AAMDC: variants seen among roughly 807,000 people sequenced by gnomAD.
The protein encoded by AAMDC is adipogenesis associated Mth938 domain containing.
A neutral mutation model predicts 15.5 loss-of-function variants in AAMDC; 16 were observed. The ratio of observed to expected loss-of-function variants is 1.03; its 90% CI spans 0.70 to 1.57. AAMDC has a LOEUF of 1.57. Ranked by LOEUF, AAMDC falls within the 40% of genes most tolerant of loss-of-function variation. AAMDC has a pLI of 0.00. For synonymous variants in AAMDC, 51 were observed against 51.6 expected (o/e 0.99, Z 0.05); for missense variants, 141 against 144.9 (o/e 0.97, Z 0.14).
chr11:77,835,460 G>T (rs1243668733), intron 1 of AAMDC, among the ~76,000 whole-genome samples: 2 of 128,636 alleles, frequency 1.6e-5, no homozygotes, highest in African/African-American at 6.4e-5. Context: ...ATGCTTTGGG[G>T]TATGTTTAAC....
downstream of AAMDC, chr11:77,901,418 T>C (rs763070416): frequency 1.2e-6 from 2 of 1,613,916 alleles, no homozygotes; most frequent in South Asian, 2.2e-5. Flanking sequence ...CCCCACATCT[T>C]ACCCTCGTGT....
At chr11:77,853,993 CT>C (rs571437470) in intron 2 of AAMDC, among the ~76,000 whole-genome samples, 29,819 of 138,172 alleles carry the variant, frequency 0.22, 3,149 homozygotes, top group Middle Eastern at 0.25. Flanking sequence ...CCTCCAAATT[CT>C]TTTTTTTTTT....
At chr11:77,894,722 C>T (rs1019511687) in intron 5 of AAMDC, among the ~76,000 whole-genome samples, 13 of 152,274 alleles carry the variant, frequency 8.5e-5, no homozygotes, top group Admixed American at 8.5e-4. Flanking sequence ...GGTCTCTATA[C>T]CTACCTGATT....
At chr11:77,868,180 C>T (rs566595453) in intron 2 of AAMDC, among the ~76,000 whole-genome samples, 10 of 151,322 alleles carry the variant, frequency 6.6e-5, no homozygotes, top group Non-Finnish European at 1.0e-4. Flanking sequence ...CTCAGCCTCC[C>T]GAGTAGCTGG....
intron 2 of AAMDC, among the ~76,000 whole-genome samples, chr11:77,844,555 TCTCACTACATTGCCCAGGCTGGTCTTGAA>T (rs2136150139): frequency 6.6e-6 from 1 of 151,878 alleles, no homozygotes; most frequent in South Asian, 2.1e-4. Flanking sequence ...AGAGATGAGG[TCTCACTACATTGCCCAGGCTGGTCTTGAA>T]CTCCTGACCC....
chr11:77,823,043 T>A (rs1186787830), intron 1 of AAMDC, among the ~76,000 whole-genome samples: 1 of 151,676 alleles, frequency 6.6e-6, no homozygotes, highest in Non-Finnish European at 1.5e-5. Context: ...GTGAAACCCG[T>A]CTCTACTAAA....
In AAMDC at chr11:77,869,770, G is replaced by C. The variant is rs769851697; in HGVS notation, c.181G>C (p.Gly61Arg). ...PADVKEVVEK[G>R]VQTLVIGRGM... ...AGATGTGAAGGAAGTTGTTGAGAAG[G>C]GTGTACAGACTCTTGTGATTGGCCG... Residue 61 changes from glycine (G) to arginine (R), a missense_variant, in exon 3 of 4, where the codon GGT (glycine) becomes CGT (arginine). Physicochemically the swap from Gly to Arg is moderately radical, Grantham distance 125 (BLOSUM62 -2). Transcript: ENST00000393427. 4 of 1,614,008 alleles carry C rather than the reference G, an allele frequency of 2.5e-6. No individual in the cohort carries two copies. The highest frequency in any genetic ancestry group is 4.5e-5 in the East Asian group (2 of 44,876).
downstream of AAMDC, among the ~76,000 whole-genome samples, chr11:77,876,274 C>CAG (rs1316191733): frequency 2.6e-5 from 4 of 152,106 alleles, no homozygotes; most frequent in Non-Finnish European, 5.9e-5. Context: ...GGGAAGAAAC[C>CAG]AGAGGCCTGG....
At chr11:77,865,868 T>TCGGC (rs1951086841) in intron 2 of AAMDC, among the ~76,000 whole-genome samples, 1 of 152,254 alleles carries the variant, frequency 6.6e-6, no homozygotes. Flanking sequence ...AAGGGGACCA[T>TCGGC]CGGCCTCAAT....
intron 2 of AAMDC, among the ~76,000 whole-genome samples, chr11:77,852,385 T>C (rs1480271401): frequency 2.0e-5 from 3 of 152,192 alleles, no homozygotes; most frequent in African/African-American, 7.2e-5. Flanking sequence ...ATTTCCTGTC[T>C]GTCTTGATTT....
intron 2 of AAMDC, chr11:77,868,695 GTTGTTT>G (rs1208229241): frequency 4.4e-4 from 85 of 192,746 alleles, no homozygotes; most frequent in African/African-American, 1.9e-3. Flanking sequence ...TGTTGTTGTT[GTTGTTT>G]TTTAACACAA....
At chr11:77,842,384 A>T in intron 1 of AAMDC, 95 bp from the exon 2 acceptor site, 1 of 1,190,642 alleles carries the variant, frequency 8.4e-7, no homozygotes, top group Non-Finnish European at 1.2e-6. Flanking sequence ...GATGCTTCTT[A>T]AATCATGGAG....
In AAMDC at chr11:77,847,068, A is replaced by AT. The variant is rs531264449; in HGVS notation, c.132+4445dup. Among the ~76,000 whole-genome samples, 535 of 152,154 alleles carry AT rather than the reference A, an allele frequency of 3.5e-3. 2 individuals carry two copies. Among genetic ancestry groups the AT allele is most frequent in the African/African-American group, 0.012 (507 of 41,500 alleles). ...ATGGTTATAAATTATCAGGGAAGAC[A>AT]TTTTTCCCCTCTAGAGCCATGACTG... On this transcript the variant is annotated intron_variant, in intron 2 of 3. Transcript: ENST00000393427.
At chr11:77,855,529 C>G in intron 2 of AAMDC, 1 of 159,630 alleles carries the variant, frequency 6.3e-6, no homozygotes, top group South Asian at 1.6e-4. Context: ...CGGGGTGTCA[C>G]CGTGTTAGCC....
At chr11:77,825,991 C>T (rs903462993) in intron 1 of AAMDC, among the ~76,000 whole-genome samples, 2 of 152,126 alleles carry the variant, frequency 1.3e-5, no homozygotes, top group African/African-American at 2.4e-5. Context: ...CGTCTTACTA[C>T]CCATCTTTTT....
At chr11:77,894,945 G>T (rs1952446395) in intron 5 of AAMDC, among the ~76,000 whole-genome samples, 1 of 152,172 alleles carries the variant, frequency 6.6e-6, no homozygotes, top group South Asian at 2.1e-4. Flanking sequence ...TAGCGGTATA[G>T]CCTACTAATG....
chr11:77,860,124 G>GT (rs1162710750), intron 2 of AAMDC, among the ~76,000 whole-genome samples: 8 of 152,310 alleles, frequency 5.3e-5, no homozygotes, highest in Admixed American at 1.3e-4. Flanking sequence ...AGCTATCCCT[G>GT]TTTTTTCTGT....
chr11:77,821,170 G>C lies in AAMDC; in HGVS notation c.-90G>C. On this transcript the variant is annotated 5_prime_UTR_variant, in exon 1 of 4. Transcript: ENST00000393427. ...GTTGGGGAGCGCAGATCCCGAAGCA[G>C]CGCTGGGAGCGTAAGTGCGGGCAGA... The C allele has an allele frequency of 2.7e-6, 1 of 374,118 alleles. No individual in the cohort carries two copies. The highest frequency in any genetic ancestry group is 4.2e-5 in the East Asian group (1 of 23,834). 23.2% of individuals were successfully genotyped at this position (374,118 alleles called of 1,614,324 possible). A position where few individuals can be genotyped will look rare whatever the true frequency, so the allele number is the denominator to read the frequency against.
intron 2 of AAMDC, among the ~76,000 whole-genome samples, chr11:77,849,424 AT>A (rs1436410687): frequency 2.6e-5 from 4 of 152,080 alleles, no homozygotes; most frequent in African/African-American, 7.2e-5. Context: ...GGCTTTCACC[AT>A]GTTGGCAAGG....
Sources: allele counts gnomAD v4.1 joint callset (sites outside exome capture counted in the v4.1 genomes callset), GRCh38; gene constraint gnomAD v4.1.1; transcripts MANE v1.5; gene names NCBI Gene and HGNC (gene_info 2026-07-23, HGNC 2026-07-21).